The following SUPT3H variants were observed in gnomAD, a reference collection of about 807,000 sequenced individuals.
The protein encoded by SUPT3H is SPT3 homolog, SAGA and STAGA complex component.
SUPT3H carries 44 observed loss-of-function variants against 44.3 expected under a neutral mutation model. The ratio of observed to expected loss-of-function variants is 0.99; its 90% confidence interval spans 0.78 to 1.28. The LOEUF (loss-of-function observed/expected upper bound fraction) is 1.28, where lower values mean the gene tolerates loss of function less well. SUPT3H is among the 50% of genes most tolerant of loss of function. SUPT3H has a pLI of 0.00. For missense variants in SUPT3H, 380 were observed against 387.1 expected (o/e 0.98, Z 0.15); for synonymous variants, 124 against 125.6 (o/e 0.99, Z 0.09).
At chr6:45,102,383 A>T (rs1798702493) in intron 3 of SUPT3H, among the ~76,000 whole-genome samples, 1 of 152,270 alleles carries the variant, frequency 6.6e-6, no homozygotes, top group South Asian at 2.1e-4. Flanking sequence ...TTAACGAGAG[A>T]GGTGACCTCC....
At position 44,851,785 on chromosome 6, in the gene SUPT3H, T is replaced by G. The variant is rs16872740; in HGVS notation, c.913-21928A>C. Reference sequence around the variant, plus strand: ...TGCCTTTTAAAATTGATTCAGTTGATGAAATCTGGTGTCTGGAGTGATTTC... The same window carrying G: ...TGCCTTTTAAAATTGATTCAGTTGAGGAAATCTGGTGTCTGGAGTGATTTC... On this transcript the variant is annotated intron_variant, in intron 10 of 10. Transcript: ENST00000371459. Among the ~76,000 whole-genome samples, 598 of 152,314 alleles carry G rather than the reference T, an allele frequency of 3.9e-3. 7 individuals are homozygous for G. The highest frequency in any genetic ancestry group is 0.014 in the African/African-American group (569 of 41,578).
At chr6:45,212,481 A>ATGTATGTG (rs1764266747) in intron 2 of SUPT3H, among the ~76,000 whole-genome samples, 1 of 43,466 alleles carries the variant, frequency 2.3e-5, no homozygotes, top group Non-Finnish European at 4.1e-5. Context: ...CACCTCCACT[A>ATGTATGTG]TGTGTGTGTG....
intron 10 of SUPT3H, among the ~76,000 whole-genome samples, chr6:44,837,663 G>A (rs1770165315): frequency 6.6e-6 from 1 of 152,184 alleles, no homozygotes; most frequent in Non-Finnish European, 1.5e-5. Flanking sequence ...AGTCAACAGT[G>A]AAAAGTTATG....
At chr6:45,179,954 A>G (rs1473310357) in intron 2 of SUPT3H, among the ~76,000 whole-genome samples, 5 of 152,304 alleles carry the variant, frequency 3.3e-5, no homozygotes, top group Admixed American at 6.5e-5. Context: ...ACATGATTGT[A>G]TATCTAGAAA....
chr6:45,238,681 C>T (rs1299996898), intron 2 of SUPT3H, among the ~76,000 whole-genome samples: 1 of 152,156 alleles, frequency 6.6e-6, no homozygotes, highest in East Asian at 1.9e-4. Context: ...TTTTCTTCCA[C>T]ATGTGAATTC....
chr6:44,862,403 G>A (rs1774795452), intron 10 of SUPT3H, among the ~76,000 whole-genome samples: 1 of 151,996 alleles, frequency 6.6e-6, no homozygotes, highest in Non-Finnish European at 1.5e-5. Flanking sequence ...AGGGCCAGGC[G>A]CAGTGACACA....
At chr6:45,323,010 A>G in intron 2 of SUPT3H, 1 of 1,235,390 alleles carries the variant, frequency 8.1e-7, no homozygotes, top group South Asian at 1.3e-5. Flanking sequence ...AATCATCCTT[A>G]ATAGAGATAC....
chr6:45,156,462 T>C lies in SUPT3H; in HGVS notation c.102-50456A>G, dbSNP rs936505336. ...ACCTTTGCTGTCACATTTAAAGGCA[T>C]AGGCTCAATGACTAACATAAATTTC... is the stretch of plus-strand genomic sequence containing the variant. On this transcript the variant is annotated intron_variant, in intron 2 of 10. Transcript: ENST00000371459. 4.6e-5 allele frequency among the ~76,000 whole-genome samples: 7 copies of C among 152,238 alleles called. No homozygotes were observed. In the East Asian group the frequency reaches 5.8e-4, roughly 13 times the overall value.
intron 10 of SUPT3H, among the ~76,000 whole-genome samples, chr6:44,857,603 T>C (rs2153424069): frequency 6.6e-6 from 1 of 152,360 alleles, no homozygotes; most frequent in South Asian, 2.1e-4. Flanking sequence ...TGTAGCATTA[T>C]TAACAGATTT....
chr6:45,251,517 G>A (rs1036403435), intron 2 of SUPT3H, among the ~76,000 whole-genome samples: 1 of 151,726 alleles, frequency 6.6e-6, no homozygotes, highest in African/African-American at 2.4e-5. Flanking sequence ...GAAATTTATA[G>A]CTGTCAATTT....
intron 10 of SUPT3H, among the ~76,000 whole-genome samples, chr6:44,836,728 CTT>C (rs1449880974): frequency 1.3e-5 from 2 of 152,116 alleles, no homozygotes; most frequent in Non-Finnish European, 2.9e-5. Flanking sequence ...TATATTAAGA[CTT>C]TTTTGTTGTT....
intron 10 of SUPT3H, among the ~76,000 whole-genome samples, chr6:44,887,199 G>C (rs1262106236): frequency 6.6e-6 from 1 of 152,082 alleles, no homozygotes. Context: ...GTCAACATTA[G>C]ACACATCAAC....
chr6:45,296,185 T>TATATAC (rs377152580), intron 2 of SUPT3H, among the ~76,000 whole-genome samples: 7 of 140,454 alleles, frequency 5.0e-5, no homozygotes, highest in Admixed American at 3.5e-4. Flanking sequence ...ATACACATAC[T>TATATAC]ACACACACAC....
intron 10 of SUPT3H, among the ~76,000 whole-genome samples, chr6:44,904,244 T>A (rs1486358179): frequency 1.3e-5 from 2 of 152,340 alleles, no homozygotes; most frequent in Admixed American, 1.3e-4. Context: ...TGTCTGCAGA[T>A]GACATGATTG....
intron 10 of SUPT3H, among the ~76,000 whole-genome samples, chr6:44,890,768 A>AATC (rs1763167098): frequency 6.7e-6 from 1 of 150,282 alleles, no homozygotes; most frequent in Admixed American, 6.7e-5. Context: ...TAATAATAAT[A>AATC]ATAAAAAAAA....
At chr6:45,149,850 G>C (rs751965194) in intron 2 of SUPT3H, among the ~76,000 whole-genome samples, 24 of 152,100 alleles carry the variant, frequency 1.6e-4, no homozygotes, top group Non-Finnish European at 3.2e-4. Flanking sequence ...CTTATTCAGC[G>C]ATACTGAGTG....
Position 44,912,665 on chromosome 6 carries a change from GTTCCCT to G in SUPT3H, c.912+19982_912+19987del, listed in dbSNP as rs1275155468. ...GAGATTCTTGATTATTCCAGTTGTT[GTTCCCT>G]TTACCTCTGGATTCCTAAAGCACCT... On this transcript the variant is annotated intron_variant, in intron 10 of 10. Transcript: ENST00000371459. Among the ~76,000 whole-genome samples the G allele has an allele frequency of 7.9e-5, 12 of 152,308 alleles. No individual in the cohort carries two copies. In the East Asian group the frequency reaches 1.9e-3, roughly 24 times the overall value.
intron 3 of SUPT3H, among the ~76,000 whole-genome samples, chr6:45,079,385 G>T (rs756322642): frequency 6.7e-6 from 1 of 149,654 alleles, no homozygotes; most frequent in African/African-American, 2.5e-5. Flanking sequence ...AGGAGGAGAA[G>T]TGGAAGAAGG....
At chr6:45,273,190 C>T (rs1776486253) in intron 2 of SUPT3H, among the ~76,000 whole-genome samples, 1 of 152,136 alleles carries the variant, frequency 6.6e-6, no homozygotes, top group Non-Finnish European at 1.5e-5. Context: ...TGGTATTGGC[C>T]AGTTTCTGCT....
Sources: gnomAD v4.1 joint callset for allele counts (sites outside exome capture counted in the v4.1 genomes callset) on GRCh38, gnomAD v4.1.1 for gene constraint, MANE v1.5 for transcripts, NCBI Gene and HGNC (gene_info 2026-07-23, HGNC 2026-07-21) for gene names.